The following SH3RF3 variants were observed in gnomAD, a reference collection of about 807,000 sequenced individuals.
SH3RF3 encodes the protein SH3 domain containing ring finger 3, also known as E3 ubiquitin-protein ligase SH3RF3.
SH3RF3 carries 29 observed loss-of-function variants against 66.3 expected under a neutral mutation model. The observed-to-expected ratio is 0.44, with a 90% CI of 0.33 to 0.60. The LOEUF is 0.60. Among genes scored for constraint, SH3RF3 ranks in the 20% least tolerant of loss-of-function variants. SH3RF3 has a pLI of 0.04. For missense variants in SH3RF3, 1,194 were observed against 1,190.9 expected (o/e 1.00, Z -0.04); for synonymous variants, 583 against 532.0 (o/e 1.10, Z -1.32).
intron 8 of SH3RF3, among the ~76,000 whole-genome samples, chr2:109,478,173 C>T (rs1233354211): frequency 6.6e-6 from 1 of 152,224 alleles, no homozygotes; most frequent in African/African-American, 2.4e-5. Context: ...GATTCTAGTG[C>T]ATTCTATGAC....
intron 6 of SH3RF3, among the ~76,000 whole-genome samples, chr2:109,435,040 T>A (rs1677361684): frequency 6.6e-6 from 1 of 152,136 alleles, no homozygotes; most frequent in Non-Finnish European, 1.5e-5. Context: ...TCAAGCCCTC[T>A]TGGTCTGTGT....
At chr2:109,228,175 T>A (rs940072793) in intron 1 of SH3RF3, among the ~76,000 whole-genome samples, 44 of 152,210 alleles carry the variant, frequency 2.9e-4, no homozygotes, top group African/African-American at 8.9e-4. Context: ...AACATGGTGC[T>A]ACTTGCTTAT....
At chr2:109,168,667 C>T (rs909590589) in intron 1 of SH3RF3, among the ~76,000 whole-genome samples, 34 of 48,382 alleles carry the variant, frequency 7.0e-4, no homozygotes, top group Non-Finnish European at 1.2e-3. Context: ...AAACTGAAAA[C>T]CTTTCAGTCA....
intron 2 of SH3RF3, among the ~76,000 whole-genome samples, chr2:109,365,051 A>AAAACAAACAAACAAACAAAC (rs70958705): frequency 6.6e-5 from 10 of 151,602 alleles, no homozygotes; most frequent in African/African-American, 2.4e-4. Context: ...ACACACATAT[A>AAAACAAACAAACAAACAAAC]AAACAAACAA....
chr2:109,282,352 C>T (rs920806383), intron 1 of SH3RF3, among the ~76,000 whole-genome samples: 1 of 151,950 alleles, frequency 6.6e-6, no homozygotes, highest in Non-Finnish European at 1.5e-5. Flanking sequence ...AAAAATCTAC[C>T]CCAGGGGAAA....
At chr2:109,475,199 G>C (rs1678652374) in intron 8 of SH3RF3, among the ~76,000 whole-genome samples, 1 of 152,072 alleles carries the variant, frequency 6.6e-6, no homozygotes, top group Non-Finnish European at 1.5e-5. Context: ...GGATGGTCTT[G>C]ATCTCTTGAC....
intron 4 of SH3RF3, among the ~76,000 whole-genome samples, chr2:109,403,415 G>T (rs981996282): frequency 1.9e-4 from 29 of 152,356 alleles, no homozygotes; most frequent in African/African-American, 6.3e-4. Flanking sequence ...CCACTTCAGA[G>T]ATGAGGAAGC....
In SH3RF3 at chr2:109,276,677, A is replaced by G. The variant is rs370027530; in HGVS notation, c.574-70997A>G. Among the ~76,000 whole-genome samples the G allele has an allele frequency of 1.2e-3, 187 of 152,322 alleles. 1 individual carries two copies. Among genetic ancestry groups the G allele is most frequent in the African/African-American group, 4.2e-3 (174 of 41,558 alleles). On this transcript the variant is annotated intron_variant, in intron 1 of 9. Transcript: ENST00000309415. Reference sequence around the variant, plus strand: ...TGAACTGTTACCAGACAAATATTCTAAGTCAGATAGAGACCCTTTTTGGCT... The same window carrying G: ...TGAACTGTTACCAGACAAATATTCTGAGTCAGATAGAGACCCTTTTTGGCT...
intron 1 of SH3RF3, among the ~76,000 whole-genome samples, chr2:109,157,604 G>A (rs369107896): frequency 1.3e-5 from 2 of 152,138 alleles, no homozygotes; most frequent in South Asian, 2.1e-4. Flanking sequence ...ATTGGAACTT[G>A]GGCTTCCTGA....
intron 1 of SH3RF3, among the ~76,000 whole-genome samples, chr2:109,199,329 A>AATAAAATAAATAAAATAAAAT (rs1558953516): frequency 7.4e-3 from 8 of 1,078 alleles, no homozygotes; most frequent in Middle Eastern, 0.1. Flanking sequence ...CTCAAAAAGT[A>AATAAAATAAATAAAATAAAAT]AAATGGAATG....
intron 8 of SH3RF3, among the ~76,000 whole-genome samples, chr2:109,459,236 A>G (rs1214809814): frequency 2.6e-5 from 4 of 152,184 alleles, no homozygotes; most frequent in African/African-American, 9.7e-5. Flanking sequence ...CTTAATATAC[A>G]CATTCACACA....
At chr2:109,217,215 C>T (rs1470753223) in intron 1 of SH3RF3, among the ~76,000 whole-genome samples, 1 of 152,194 alleles carries the variant, frequency 6.6e-6, no homozygotes, top group Non-Finnish European at 1.5e-5. Flanking sequence ...AGACAATATT[C>T]TGGGAGCAAT....
intron 2 of SH3RF3, among the ~76,000 whole-genome samples, chr2:109,368,708 TA>T (rs372666198): frequency 0.029 from 4,006 of 136,638 alleles, 149 homozygotes; most frequent in African/African-American, 0.094. Context: ...GTATTTTCTT[TA>T]AAAAAAAAAA....
chr2:109,152,876 G>T (rs1677256095), intron 1 of SH3RF3, among the ~76,000 whole-genome samples: 1 of 152,152 alleles, frequency 6.6e-6, no homozygotes, highest in Non-Finnish European at 1.5e-5. Flanking sequence ...GTAAATCTTA[G>T]TACTTGCTCC....
At chr2:109,286,668 CCT>C (rs1458849519) in intron 1 of SH3RF3, among the ~76,000 whole-genome samples, 6 of 152,174 alleles carry the variant, frequency 3.9e-5, no homozygotes, top group Admixed American at 6.5e-5. Context: ...ATCTTTTCCC[CCT>C]GTTTGGCATA....
intron 1 of SH3RF3, among the ~76,000 whole-genome samples, chr2:109,168,846 G>GT (rs1398050175): frequency 6.6e-6 from 1 of 152,204 alleles, no homozygotes; most frequent in East Asian, 1.9e-4. Flanking sequence ...CTCAGTGAGA[G>GT]TTGTCTTTGG....
chr2:109,234,356 T>C (rs1458032965), intron 1 of SH3RF3, among the ~76,000 whole-genome samples: 4 of 152,222 alleles, frequency 2.6e-5, no homozygotes, highest in African/African-American at 9.6e-5. Context: ...GGATTCTTAG[T>C]GCCTAAAACA....
intron 1 of SH3RF3, among the ~76,000 whole-genome samples, chr2:109,139,649 CAA>C (rs747922895): frequency 2.0e-5 from 3 of 152,138 alleles, no homozygotes; most frequent in African/African-American, 2.4e-5. Flanking sequence ...TGTACAGTAA[CAA>C]GAGTTTTCCT....
intron 8 of SH3RF3, among the ~76,000 whole-genome samples, chr2:109,464,543 C>T (rs1423494708): frequency 6.6e-6 from 1 of 152,220 alleles, no homozygotes; most frequent in African/African-American, 2.4e-5. Context: ...CATACACATC[C>T]TGCAGAGTTG....
Sources: gnomAD v4.1 joint callset for allele counts (sites outside exome capture counted in the v4.1 genomes callset) on GRCh38, gnomAD v4.1.1 for gene constraint, MANE v1.5 for transcripts, NCBI Gene and HGNC (gene_info 2026-07-23, HGNC 2026-07-21) for gene names.